MYCBPAP: variants seen among roughly 807,000 people sequenced by gnomAD.
MYCBPAP encodes MYCBP associated protein, also known as MYCBP-associated protein.
A neutral mutation model predicts 106.1 loss-of-function variants in MYCBPAP; 60 were observed. The ratio of observed to expected loss-of-function variants is 0.57; its 90% CI spans 0.46 to 0.70. The LOEUF (loss-of-function observed/expected upper bound fraction) is 0.70, where lower values mean the gene tolerates loss of function less well. MYCBPAP is among the 30% of genes least tolerant of loss of function. The pLI is 0.00. For synonymous variants in MYCBPAP, 407 were observed against 440.6 expected, an observed-to-expected ratio of 0.92 and a Z score of 0.95; for missense variants, 1,064 against 1,169.3, an observed-to-expected ratio of 0.91 and a Z score of 1.31.
At chr17:50,524,737 T>TGTGTGTGTGTGTGAGAGAGAGA (rs373928628) in intron 12 of MYCBPAP, 140 bp from the exon 13 acceptor site, 37 of 463,564 alleles carry the variant, frequency 8.0e-5, no homozygotes, top group Non-Finnish European at 1.2e-4. Context: ...TGTGTGTGTG[T>TGTGTGTGTGTGTGAGAGAGAGA]GAGAGAGAGA....
chr17:50,525,946 C>T lies in MYCBPAP; in HGVS notation c.1848C>T (p.Pro616=), dbSNP rs746548746. ...TGTGGCGCCAGTACATGACCCTGCC[C>T]GCCAAGGCTGAGGAGGCCAGGCCAG... The part of the protein sequence containing the change: ...HQLWRQYMTL[P]AKAEEARPGD... Residue 616 remains proline (P), a synonymous_variant, in exon 14 of 19, where the codon CCC becomes CCT. Transcript: ENST00000323776. 26 of 1,613,574 alleles carry T rather than the reference C, an allele frequency of 1.6e-5. No homozygotes were observed. Among genetic ancestry groups the T allele is most frequent in the East Asian group, 1.3e-4 (6 of 44,896 alleles).
In MYCBPAP at chr17:50,525,043, C is replaced by T. The variant is rs1278196453; in HGVS notation, c.1782+20C>T. 6.2e-7 allele frequency: 1 copy of T among 1,604,726 alleles called. No individual in the cohort carries two copies. Among genetic ancestry groups the T allele is most frequent in the Non-Finnish European group, 8.5e-7 (1 of 1,173,912 alleles). Reference sequence around the variant, plus strand: ...CCTCCGGTGAGGCCCAGCGCCAGCCCCTGCCCCCTCATGTGTGCCCTGCGT... The same window carrying T: ...CCTCCGGTGAGGCCCAGCGCCAGCCTCTGCCCCCTCATGTGTGCCCTGCGT... On this transcript the variant is annotated intron_variant, in intron 13 of 18. Transcript: ENST00000323776.
chr17:50,521,803 A>G (rs2034269840), intron 9 of MYCBPAP, among the ~76,000 whole-genome samples, 170 bp from the exon 10 acceptor site: 1 of 152,162 alleles, frequency 6.6e-6, no homozygotes, highest in South Asian at 2.1e-4. Context: ...AGAATCTCCC[A>G]TCTACAGCAA....
At chr17:50,519,560 G>GTGC in intron 6 of MYCBPAP, 80 bp from the exon 7 acceptor site, 1 of 1,527,492 alleles carries the variant, frequency 6.5e-7, no homozygotes, top group Middle Eastern at 1.8e-4. Flanking sequence ...GCCTGTGGTG[G>GTGC]TGCTCTTGTC....
intron 1 of MYCBPAP, among the ~76,000 whole-genome samples, chr17:50,512,838 C>T (rs977242974): frequency 2.0e-5 from 3 of 152,154 alleles, no homozygotes; most frequent in Non-Finnish European, 2.9e-5. Context: ...CTTTGGGAGG[C>T]CGAGGTGGGC....
rs2143968570 is a variant in MYCBPAP at position 50,523,603 on chromosome 17, T to C, written c.1454T>C (p.Ile485Thr). The C allele has an allele frequency of 6.2e-7, 1 of 1,614,208 alleles. No individual in the cohort carries two copies. Among genetic ancestry groups the C allele is most frequent in the East Asian group, 2.2e-5 (1 of 44,892 alleles). The change falls in exon 12 of 19, where the codon ATT (isoleucine) becomes ACT (threonine). Residue 485 changes from isoleucine (I) to threonine (T), a missense_variant. Coordinates refer to ENST00000323776, the MANE Select transcript of MYCBPAP (RefSeq NM_032133.6). ...GGGTCTCTGTCCCTCTCAGGTGTGA[T>C]TCTGCCTGGAGAAATTAAAACATTT... is the stretch of plus-strand genomic sequence containing the variant. ...RFYFDNREGV[I>T]LPGEIKTFTF...
At chr17:50,523,447 A>T in intron 11 of MYCBPAP, 150 bp from the exon 12 acceptor site, 2 of 786,454 alleles carry the variant, frequency 2.5e-6, no homozygotes, top group Non-Finnish European at 4.1e-6. Flanking sequence ...TCAAATTCCC[A>T]CATTCCAGGA....
intron 10 of MYCBPAP, chr17:50,522,725 T>TA (rs56289590): frequency 0.027 from 2,132 of 79,998 alleles, 372 homozygotes; most frequent in East Asian, 0.067. Flanking sequence ...TATATATATA[T>TA]TTGTTTTATC....
upstream of MYCBPAP, chr17:50,508,354 G>A (rs1262283627): frequency 2.0e-6 from 1 of 501,076 alleles, no homozygotes; most frequent in Non-Finnish European, 3.4e-6. Flanking sequence ...GGGGGTCCTC[G>A]CCCGGGTCCC....
chr17:50,511,269 G>A (rs1597817798), intron 1 of MYCBPAP, among the ~76,000 whole-genome samples: 2 of 151,876 alleles, frequency 1.3e-5, no homozygotes, highest in South Asian at 2.1e-4. Context: ...CCTGTTTCTC[G>A]GGACCTGAGA....
chr17:50,528,096 T>A (rs2034518260), intron 15 of MYCBPAP, 59 bp from the exon 16 acceptor site: 2 of 1,459,454 alleles, frequency 1.4e-6, no homozygotes, highest in Non-Finnish European at 1.9e-6. Flanking sequence ...CCCAAGCCTC[T>A]GCAGGTTCAA....
rs537236786 is a variant in MYCBPAP at position 50,513,669 on chromosome 17, A to G, written c.77-2901A>G. 1.4e-3 allele frequency among the ~76,000 whole-genome samples: 216 copies of G among 152,368 alleles called. 1 individual carries two copies. Among genetic ancestry groups the G allele is most frequent in the African/African-American group, 4.9e-3 (205 of 41,590 alleles). ...AATTGTGCACCCACCAGTAAAAAGC[A>G]CACATCTGGAGACGTTTAATCACTT... On this transcript the variant is annotated intron_variant, in intron 1 of 18. Transcript: ENST00000323776.
chr17:50,508,839 G>A, intron 1 of MYCBPAP, 89 bp downstream of exon 1: 1 of 1,167,530 alleles, frequency 8.6e-7, no homozygotes, highest in Non-Finnish European at 1.3e-6. Flanking sequence ...CTGGAGGATG[G>A]GGATGGCACC....
intron 9 of MYCBPAP, 117 bp downstream of exon 9, chr17:50,521,548 G>A: frequency 1.3e-6 from 1 of 766,662 alleles, no homozygotes. Flanking sequence ...CTTCTGTCCA[G>A]TGGTTGCCAC....
At chr17:50,519,347 C>T in intron 6 of MYCBPAP, 1 of 584,872 alleles carries the variant, frequency 1.7e-6, no homozygotes, top group Non-Finnish European at 3.0e-6. Flanking sequence ...GGAGCTTAGA[C>T]TGAGTGGAGC....
rs2034521769 is a variant in MYCBPAP, at chr17:50,528,202, T to C, written c.2339T>C (p.Met780Thr). 6.2e-7 allele frequency: 1 copy of C among 1,614,182 alleles called. No homozygotes were observed. Among genetic ancestry groups the C allele is most frequent in the Non-Finnish European group, 8.5e-7 (1 of 1,180,010 alleles). Residue 780 changes from methionine (M) to threonine (T), a missense_variant, in exon 16 of 19, where the codon ATG becomes ACG. Transcript: ENST00000323776. Reference protein sequence around the residue: ...DVIDSLVGHSMWLRSVLGLPE... With the variant: ...DVIDSLVGHSTWLRSVLGLPE... ...ATTGACAGCCTGGTGGGCCATTCCA[T>C]GTGGCTGAGGTCTGTGCTGGGCCTG...
intron 2 of MYCBPAP, 58 bp from the exon 3 acceptor site, chr17:50,517,235 T>G: frequency 1.3e-6 from 2 of 1,505,264 alleles, no homozygotes; most frequent in East Asian, 2.3e-5. Flanking sequence ...AAGAGATGGG[T>G]GGTGCTCTTC....
In MYCBPAP at chr17:50,523,086, A is replaced by C; in HGVS notation, c.1405A>C (p.Lys469Gln). Residue 469 changes from lysine (K) to glutamine (Q), a missense_variant, in exon 11 of 19, where the codon AAG becomes CAG. Coordinates refer to ENST00000323776, the MANE Select transcript of MYCBPAP (RefSeq NM_032133.6). The part of the protein sequence containing the change: ...QHQPDTFQDL[K>Q]KNRMQRFYFD... ...CCAGCCGGACACTTTCCAAGACCTTAAGAAAAACAGGATGCAGCGATTTTA... is the reference window on the plus strand; with the variant it reads ...CCAGCCGGACACTTTCCAAGACCTTCAGAAAAACAGGATGCAGCGATTTTA... 1.2e-6 allele frequency: 2 copies of C among 1,614,104 alleles called. No homozygotes were observed. Among genetic ancestry groups the C allele is most frequent in the East Asian group, 2.2e-5 (1 of 44,878 alleles).
rs115980826 is a variant in MYCBPAP at position 50,522,181 on chromosome 17, G to C, written c.1257+100G>C. On this transcript the variant is annotated intron_variant, in intron 10 of 18. Transcript: ENST00000323776. ...AGCAGCCTGCACAGTCTCCTGTTTG[G>C]GTTTTTATCTGGTCGTGCATTCAGC... The C allele has an allele frequency of 1.3e-3, 1,233 of 914,386 alleles. 13 individuals carry two copies. The African/African-American group carries it at 0.017, about 13-fold the overall frequency. The allele number at this position is 914,386 out of a possible 1,614,324, so 56.6% of individuals were successfully genotyped here.
Sources: allele counts gnomAD v4.1 joint callset (sites outside exome capture counted in the v4.1 genomes callset), GRCh38; gene constraint gnomAD v4.1.1; transcripts MANE v1.5; gene names NCBI Gene and HGNC (gene_info 2026-07-23, HGNC 2026-07-21).